Variants in CACNA2D3 observed in about 807,000 individuals in gnomAD.
CACNA2D3 encodes calcium voltage-gated channel auxiliary subunit alpha2delta 3, also known as voltage-dependent calcium channel subunit alpha-2/delta-3.
In CACNA2D3, 60 loss-of-function variants were observed where a neutral mutation model predicts 160.6. That is an observed-to-expected ratio of 0.37 (90% CI 0.30 to 0.46). The LOEUF (loss-of-function observed/expected upper bound fraction) is 0.46, where lower values mean the gene tolerates loss of function less well. Among genes scored for constraint, CACNA2D3 ranks in the 20% least tolerant of loss-of-function variants. The probability of loss-of-function intolerance (pLI) is 1.00; values close to 1 mark genes in which losing one functional copy is unlikely to be tolerated. For missense variants in CACNA2D3, 1,205 were observed against 1,365.0 expected, an observed-to-expected ratio of 0.88 and a Z score of 1.85; for synonymous variants, 558 against 492.9, an observed-to-expected ratio of 1.13 and a Z score of -1.75.
At chr3:54,955,708 C>A (rs1701871746) in intron 27 of CACNA2D3, among the ~76,000 whole-genome samples, 1 of 152,082 alleles carries the variant, frequency 6.6e-6, no homozygotes. Flanking sequence ...CTGGCTCTCC[C>A]CTGAGGCCTC....
At chr3:54,215,382 C>A (rs780265849) in intron 2 of CACNA2D3, among the ~76,000 whole-genome samples, 4 of 152,172 alleles carry the variant, frequency 2.6e-5, no homozygotes, top group Non-Finnish European at 5.9e-5. Context: ...TTAAAGCATA[C>A]AATACAGTAT....
intron 4 of CACNA2D3, among the ~76,000 whole-genome samples, chr3:54,416,488 TA>T (rs1699756421): frequency 6.6e-6 from 1 of 152,200 alleles, no homozygotes; most frequent in African/African-American, 2.4e-5. Context: ...GTGACACAGT[TA>T]AAAGCCACAG....
intron 9 of CACNA2D3, among the ~76,000 whole-genome samples, chr3:54,616,385 A>C (rs1391125332): frequency 6.6e-6 from 1 of 152,244 alleles, no homozygotes; most frequent in Non-Finnish European, 1.5e-5. Context: ...GGCTGCTTCC[A>C]GCAAAGCAGT....
intron 4 of CACNA2D3, among the ~76,000 whole-genome samples, chr3:54,456,451 A>G (rs1380168347): frequency 6.6e-6 from 1 of 151,946 alleles, no homozygotes; most frequent in Admixed American, 6.6e-5. Context: ...TGTCCGTTCT[A>G]AGAGTTTTGG....
chr3:54,720,850 A>G (rs547150341), intron 11 of CACNA2D3, among the ~76,000 whole-genome samples: 7 of 152,290 alleles, frequency 4.6e-5, no homozygotes, highest in Admixed American at 1.3e-4. Context: ...AATACATAGT[A>G]TCACTTATAA....
At chr3:54,464,154 A>G (rs6445668) in intron 4 of CACNA2D3, among the ~76,000 whole-genome samples, 151,423 of 152,208 alleles carry the variant, frequency 0.99, 75,324 homozygotes, top group Middle Eastern at 1. Context: ...AGGAGTACCC[A>G]GCCGTGTGAG....
chr3:55,018,401 G>T, intron 35 of CACNA2D3, 84 bp downstream of exon 35: 1 of 783,384 alleles, frequency 1.3e-6, no homozygotes, highest in East Asian at 2.6e-5. Context: ...TGACTTGCAG[G>T]CACAGTTACA....
chr3:54,955,523 A>G (rs1477683094), intron 27 of CACNA2D3, among the ~76,000 whole-genome samples: 2 of 152,190 alleles, frequency 1.3e-5, no homozygotes, highest in African/African-American at 4.8e-5. Flanking sequence ...CCCTCCCTGC[A>G]CTTAGGATAA....
At chr3:54,634,919 G>A (rs1201634442) in intron 10 of CACNA2D3, among the ~76,000 whole-genome samples, 1 of 152,016 alleles carries the variant, frequency 6.6e-6, no homozygotes, top group Non-Finnish European at 1.5e-5. Flanking sequence ...CTTGGCTTGG[G>A]CTCAGAGGCC....
At chr3:54,565,488 G>A (rs995283408) in intron 6 of CACNA2D3, among the ~76,000 whole-genome samples, 3 of 152,128 alleles carry the variant, frequency 2.0e-5, no homozygotes, top group Admixed American at 2.0e-4. Flanking sequence ...TATGTCCTAA[G>A]GGCATGTGGT....
At chr3:54,282,847 CTTTG>C (rs145531214) in intron 2 of CACNA2D3, among the ~76,000 whole-genome samples, 2,446 of 151,062 alleles carry the variant, frequency 0.016, 35 homozygotes, top group South Asian at 0.044. Flanking sequence ...TTAGTTTTCG[CTTTG>C]TTTTTTTTTT....
At chr3:54,711,940 T>G (rs1329729133) in intron 11 of CACNA2D3, among the ~76,000 whole-genome samples, 1 of 152,210 alleles carries the variant, frequency 6.6e-6, no homozygotes. Flanking sequence ...TGGTGAATAT[T>G]AAACTTATCA....
intron 2 of CACNA2D3, among the ~76,000 whole-genome samples, chr3:54,133,940 T>C (rs1248828956): frequency 1.3e-5 from 2 of 152,140 alleles, no homozygotes; most frequent in African/African-American, 4.8e-5. Context: ...AATGGGGTCA[T>C]GATAGGGAGG....
chr3:54,215,711 A>G (rs1412743203), intron 2 of CACNA2D3, among the ~76,000 whole-genome samples: 1 of 152,162 alleles, frequency 6.6e-6, no homozygotes, highest in Admixed American at 6.5e-5. Context: ...TGGAATTTCC[A>G]AAGTCACCGG....
chr3:54,652,633 AG>A (rs1461281576), intron 11 of CACNA2D3, among the ~76,000 whole-genome samples: 1 of 152,042 alleles, frequency 6.6e-6, no homozygotes, highest in Admixed American at 6.6e-5. Context: ...GAGGAGCAGG[AG>A]GAAGTGCAGG....
At chr3:54,865,873 C>G (rs550842915) in intron 17 of CACNA2D3, among the ~76,000 whole-genome samples, 39 of 152,292 alleles carry the variant, frequency 2.6e-4, no homozygotes, top group African/African-American at 9.4e-4. Flanking sequence ...CTTCTTAGTG[C>G]AGCACTGTAA....
intron 13 of CACNA2D3, among the ~76,000 whole-genome samples, chr3:54,815,368 G>C (rs1703425577): frequency 6.6e-6 from 1 of 152,166 alleles, no homozygotes; most frequent in Admixed American, 6.5e-5. Context: ...TGTTTGTTCG[G>C]TTCTACTCTT....
At chr3:54,908,408 A>G (rs1178902770) in intron 27 of CACNA2D3, among the ~76,000 whole-genome samples, 1 of 152,204 alleles carries the variant, frequency 6.6e-6, no homozygotes, top group Non-Finnish European at 1.5e-5. Context: ...AGTTGTTCAT[A>G]TATTCTGGAT....
chr3:54,661,786 C>T (rs1699975558), intron 11 of CACNA2D3, among the ~76,000 whole-genome samples: 1 of 151,798 alleles, frequency 6.6e-6, no homozygotes, highest in Admixed American at 6.6e-5. Flanking sequence ...TCTCCAGGCT[C>T]TCAAGAAAAT....
Sources: allele counts gnomAD v4.1 joint callset (sites outside exome capture counted in the v4.1 genomes callset), GRCh38; gene constraint gnomAD v4.1.1; transcripts MANE v1.5; gene names NCBI Gene and HGNC (gene_info 2026-07-23, HGNC 2026-07-21).